The following NMNAT3 variants were observed in gnomAD, a reference collection of about 807,000 sequenced individuals.
The protein encoded by NMNAT3 is nicotinamide nucleotide adenylyltransferase 3.
NMNAT3 carries 21 observed loss-of-function variants against 24.8 expected under a neutral mutation model. The ratio of observed to expected loss-of-function variants is 0.85; its 90% CI spans 0.60 to 1.22. The LOEUF is 1.22. NMNAT3 is among the 50% of genes most tolerant of loss of function. The probability of loss-of-function intolerance (pLI) is 0.00; values close to 1 mark genes in which losing one functional copy is unlikely to be tolerated. For missense variants in NMNAT3, 387 were observed against 436.6 expected (o/e 0.89, Z 1.01); for synonymous variants, 136 against 155.2 (o/e 0.88, Z 0.92).
chr3:139,644,776 G>A (rs1352453439), intron 1 of NMNAT3, among the ~76,000 whole-genome samples: 1 of 152,210 alleles, frequency 6.6e-6, no homozygotes, highest in Non-Finnish European at 1.5e-5. Context: ...ACCCAGGAGT[G>A]AACACATACG....
intron 5 of NMNAT3, chr3:139,575,765 T>A (rs960067755): frequency 8.8e-7 from 1 of 1,131,000 alleles, no homozygotes; most frequent in Non-Finnish European, 1.1e-6. Flanking sequence ...GCCTGTGGAT[T>A]GACCCTGGGG....
chr3:139,647,504 T>G (rs1031162227), intron 1 of NMNAT3, among the ~76,000 whole-genome samples: 1 of 152,092 alleles, frequency 6.6e-6, no homozygotes, highest in Non-Finnish European at 1.5e-5. Context: ...GGAAAAAGGG[T>G]CATTGCAGAT....
chr3:139,561,314 T>C lies in NMNAT3; in HGVS notation c.737A>G (p.His246Arg). ...AAACTTCTCCACTATTTCCTGGATG[T>C]GCGCATCCTTCCAGAGGTTGGGGGT... Residue 246 changes from histidine to arginine, a missense_variant, in exon 7 of 7, where the codon CAC becomes CGC. His to Arg is a conservative substitution (Grantham distance 29). Transcript: ENST00000643695. The C allele has an allele frequency of 6.2e-7, 1 of 1,614,018 alleles. No homozygotes were observed. The highest frequency in any genetic ancestry group is 8.5e-7 in the Non-Finnish European group (1 of 1,179,956).
intron 1 of NMNAT3, among the ~76,000 whole-genome samples, chr3:139,656,166 A>T (rs1278390295): frequency 6.6e-6 from 1 of 152,206 alleles, no homozygotes; most frequent in Non-Finnish European, 1.5e-5. Flanking sequence ...CTGGTAATTA[A>T]TGAATAGGAC....
At chr3:139,674,198 A>G (rs2057851694) in intron 1 of NMNAT3, among the ~76,000 whole-genome samples, 1 of 152,240 alleles carries the variant, frequency 6.6e-6, no homozygotes, top group Admixed American at 6.5e-5. Context: ...AACCTATTAC[A>G]GAGAATCTTA....
At chr3:139,640,990 A>T (rs746936740) in intron 1 of NMNAT3, among the ~76,000 whole-genome samples, 3 of 152,234 alleles carry the variant, frequency 2.0e-5, no homozygotes, top group Non-Finnish European at 4.4e-5. Flanking sequence ...TGTGTTGGCT[A>T]GAAATTAGGC....
intron 1 of NMNAT3, among the ~76,000 whole-genome samples, chr3:139,667,712 A>T (rs557877325): frequency 8.5e-5 from 13 of 152,280 alleles, no homozygotes; most frequent in African/African-American, 3.1e-4. Context: ...CAAGTTTCTA[A>T]ATTTTAAGCC....
intron 3 of NMNAT3, among the ~76,000 whole-genome samples, chr3:139,624,840 G>A (rs1217917980): frequency 6.6e-6 from 1 of 152,222 alleles, no homozygotes; most frequent in Non-Finnish European, 1.5e-5. Flanking sequence ...GTAGGATGCA[G>A]TGGTCTATAA....
At chr3:139,634,016 C>T (rs1328627546) in intron 2 of NMNAT3, among the ~76,000 whole-genome samples, 1 of 152,194 alleles carries the variant, frequency 6.6e-6, no homozygotes, top group East Asian at 1.9e-4. Context: ...GGTCAGACGG[C>T]CTCCATCTTC....
chr3:139,655,780 A>G (rs2057220259), intron 1 of NMNAT3, among the ~76,000 whole-genome samples: 1 of 152,204 alleles, frequency 6.6e-6, no homozygotes, highest in Admixed American at 6.5e-5. Context: ...GTCCTTCCAG[A>G]TGGGCACATT....
chr3:139,592,289 A>G (rs568702007), intron 3 of NMNAT3, among the ~76,000 whole-genome samples: 2 of 152,374 alleles, frequency 1.3e-5, no homozygotes, highest in Non-Finnish European at 2.9e-5. Context: ...AAAAGAAATG[A>G]GCAAAGTGTC....
chr3:139,589,616 G>C (rs1345667653), intron 3 of NMNAT3, among the ~76,000 whole-genome samples: 1 of 152,148 alleles, frequency 6.6e-6, no homozygotes, highest in African/African-American at 2.4e-5. Flanking sequence ...GTGTCAGCAG[G>C]CTTTTTCCAT....
intron 2 of NMNAT3, among the ~76,000 whole-genome samples, chr3:139,630,500 C>T (rs1170199098): frequency 6.6e-6 from 1 of 152,192 alleles, no homozygotes; most frequent in East Asian, 1.9e-4. Context: ...AAAAAGCCTG[C>T]TTATGTGTCT....
chr3:139,587,639 C>T (rs2108148937), intron 3 of NMNAT3, among the ~76,000 whole-genome samples: 1 of 152,214 alleles, frequency 6.6e-6, no homozygotes, highest in Middle Eastern at 3.4e-3. Flanking sequence ...TTCAGGAATC[C>T]CTTGAAGTGA....
chr3:139,627,067 G>T (rs2056085097), intron 3 of NMNAT3, among the ~76,000 whole-genome samples: 1 of 152,082 alleles, frequency 6.6e-6, no homozygotes. Context: ...AGTCAAGCAG[G>T]TGAAATATCC....
At chr3:139,673,858 G>A (rs114333449) in intron 1 of NMNAT3, among the ~76,000 whole-genome samples, 35 of 152,162 alleles carry the variant, frequency 2.3e-4, no homozygotes, top group African/African-American at 8.2e-4. Context: ...TTGGTCCAAA[G>A]CTGTGGAAGT....
chr3:139,589,396 G>T (rs1002418786), intron 3 of NMNAT3, among the ~76,000 whole-genome samples: 1 of 152,222 alleles, frequency 6.6e-6, no homozygotes, highest in South Asian at 2.1e-4. Context: ...TAAGATTTTA[G>T]ATGAGTAGGT....
chr3:139,634,315 T>G (rs541263220), intron 2 of NMNAT3: 1 of 152,268 alleles, frequency 6.6e-6, no homozygotes, highest in Non-Finnish European at 1.5e-5. Context: ...AAAACATCCC[T>G]GTTTATTATA....
At chr3:139,639,003 A>T (rs951044566) in intron 1 of NMNAT3, among the ~76,000 whole-genome samples, 1 of 152,176 alleles carries the variant, frequency 6.6e-6, no homozygotes, top group African/African-American at 2.4e-5. Flanking sequence ...GCTAATAGCT[A>T]CATCATTTAG....
Sources: allele counts gnomAD v4.1 joint callset (sites outside exome capture counted in the v4.1 genomes callset), GRCh38; gene constraint gnomAD v4.1.1; transcripts MANE v1.5; gene names NCBI Gene and HGNC (gene_info 2026-07-23, HGNC 2026-07-21).